The following MTX2 variants were observed in gnomAD, a reference collection of about 807,000 sequenced individuals.
MTX2 encodes metaxin 2, also known as metaxin-2.
Under a neutral mutation model 42.3 loss-of-function variants are expected in MTX2, and 35 were observed. The observed-to-expected ratio is 0.83, with a 90% confidence interval of 0.63 to 1.10. The LOEUF is 1.10. MTX2 is among the 50% of genes least tolerant of loss of function. The pLI is 0.00. For synonymous variants in MTX2, 119 were observed against 100.9 expected (o/e 1.18, Z -1.08); for missense variants, 307 against 304.1 (o/e 1.01, Z -0.07).
At chr2:176,269,773 G>A in intron 1 of MTX2, 104 bp downstream of exon 1, 1 of 1,356,036 alleles carries the variant, frequency 7.4e-7, no homozygotes. Context: ...ATTATACGCT[G>A]AACCCGGCCC....
intron 1 of MTX2, among the ~76,000 whole-genome samples, chr2:176,271,759 T>G (rs1189426881): frequency 6.6e-6 from 1 of 152,212 alleles, no homozygotes; most frequent in Non-Finnish European, 1.5e-5. Context: ...TATGGGGGTT[T>G]ATCTGATAGA....
intron 4 of MTX2, among the ~76,000 whole-genome samples, chr2:176,324,515 A>G (rs1256485484): frequency 6.6e-6 from 1 of 151,678 alleles, no homozygotes; most frequent in Non-Finnish European, 1.5e-5. Context: ...CGTAGATTTT[A>G]GGAACTACAG....
chr2:176,269,578 A>T lies in MTX2; in HGVS notation c.-52A>T. 1 of 1,540,998 alleles carries T rather than the reference A, an allele frequency of 6.5e-7. No homozygotes were observed. Among genetic ancestry groups the T allele is most frequent in the Non-Finnish European group, 8.7e-7 (1 of 1,147,306 alleles). On this transcript the variant is annotated 5_prime_UTR_variant, in exon 1 of 10. Transcript: ENST00000249442. Reference sequence around the variant, plus strand: ...AGAGCCTCCGGGTTTGCGGTGGAGGACGCTGAGGCCCGTGGGGGGCAGGCA... The same window carrying T: ...AGAGCCTCCGGGTTTGCGGTGGAGGTCGCTGAGGCCCGTGGGGGGCAGGCA...
intron 7 of MTX2, 53 bp downstream of exon 7, chr2:176,328,965 T>C (rs2105444745): frequency 6.8e-7 from 1 of 1,471,994 alleles, no homozygotes; most frequent in Non-Finnish European, 9.5e-7. Flanking sequence ...GAAAACACTT[T>C]TGCTCAGAAT....
chr2:176,312,825 T>G (rs1425618805), intron 3 of MTX2, among the ~76,000 whole-genome samples: 1 of 138,154 alleles, frequency 7.2e-6, no homozygotes, highest in Non-Finnish European at 1.5e-5. Context: ...ATTGCATCAT[T>G]GCACTCCAGC....
chr2:176,288,977 C>T (rs1693268956), intron 1 of MTX2, among the ~76,000 whole-genome samples: 1 of 151,916 alleles, frequency 6.6e-6, no homozygotes, highest in South Asian at 2.1e-4. Context: ...TAAATAGATA[C>T]ATAATCCTAA....
At chr2:176,296,768 T>C in intron 1 of MTX2, 92 bp from the exon 2 acceptor site, 1 of 1,303,282 alleles carries the variant, frequency 7.7e-7, no homozygotes, top group East Asian at 2.3e-5. Context: ...TGACTTTAAA[T>C]GCTGTAGGCA....
chr2:176,337,617 ATTGAACAGCACTATT>A lies in MTX2; in HGVS notation c.751_765del (p.Gln251_Glu255del), dbSNP rs760445674. 1.2e-6 allele frequency: 2 copies of A among 1,613,098 alleles called. No individual in the cohort carries two copies. The highest frequency in any genetic ancestry group is 1.7e-6 in the Non-Finnish European group (2 of 1,179,434). ...CAACCTCCTTGCTTTCTGTAGGAGA[ATTGAACAGCACTATT>A]TTGAAGATCGTGGTAAAGGCAGGCT... On this transcript the variant is annotated inframe_deletion, in exon 10 of 10. Transcript: ENST00000249442.
chr2:176,270,460 G>A (rs1692781786), intron 1 of MTX2: 2 of 1,283,056 alleles, frequency 1.6e-6, no homozygotes, highest in Non-Finnish European at 2.1e-6. Flanking sequence ...TTATTGTAAT[G>A]AAAGAAATTA....
At chr2:176,322,291 A>T (rs1479345871) in intron 3 of MTX2, among the ~76,000 whole-genome samples, 1 of 152,156 alleles carries the variant, frequency 6.6e-6, no homozygotes. Flanking sequence ...AGAGTTGAGG[A>T]AGGAATTATA....
At chr2:176,284,223 G>A (rs1223891308) in intron 1 of MTX2, among the ~76,000 whole-genome samples, 1 of 151,960 alleles carries the variant, frequency 6.6e-6, no homozygotes, top group Non-Finnish European at 1.5e-5. Flanking sequence ...GGGACTACAG[G>A]TGCACACCAC....
chr2:176,337,214 G>C (rs555522442), intron 9 of MTX2, among the ~76,000 whole-genome samples: 3 of 152,066 alleles, frequency 2.0e-5, no homozygotes, highest in African/African-American at 7.2e-5. Context: ...GCTAATTTTT[G>C]TATTTTTTGT....
chr2:176,327,771 G>T (rs1175975950), intron 5 of MTX2, among the ~76,000 whole-genome samples: 2 of 150,626 alleles, frequency 1.3e-5, no homozygotes, highest in East Asian at 3.9e-4. Flanking sequence ...CCTGAGAGTG[G>T]TATTAGGATG....
intron 3 of MTX2, among the ~76,000 whole-genome samples, chr2:176,315,707 T>A (rs186214985): frequency 6.6e-6 from 1 of 152,154 alleles, no homozygotes; most frequent in Non-Finnish European, 1.5e-5. Flanking sequence ...TGATCCCATC[T>A]CTTAGTACTC....
chr2:176,320,468 T>G (rs1684556254), intron 3 of MTX2, among the ~76,000 whole-genome samples: 1 of 152,148 alleles, frequency 6.6e-6, no homozygotes, highest in Non-Finnish European at 1.5e-5. Context: ...AAACTCTTTT[T>G]TGTTCTACTG....
rs368642605 is a variant in MTX2 at position 176,296,949 on chromosome 2, A to G, written c.88+42A>G. On this transcript the variant is annotated intron_variant, in intron 2 of 9. Transcript: ENST00000249442. ...ATTAAAAATGGCTTTGTATCAAACTATATTTATTACGGAAAAATCCTCAGT... is the reference window on the plus strand; with the variant it reads ...ATTAAAAATGGCTTTGTATCAAACTGTATTTATTACGGAAAAATCCTCAGT... 128 of 1,562,764 alleles carry G rather than the reference A, an allele frequency of 8.2e-5. 2 individuals carry two copies. Among genetic ancestry groups the G allele is most frequent in the South Asian group, 1.9e-4 (17 of 89,844 alleles).
Position 176,294,278 on chromosome 2 carries a change from C to CTTT in MTX2, c.41-2563_41-2561dup, listed in dbSNP as rs750682515. ...ATCCATGGGAGTGATGATGAATTAACTTTTTTTTTTTTTTTTTTTTTCCTA... is the reference window on the plus strand; with the variant it reads ...ATCCATGGGAGTGATGATGAATTAACTTTTTTTTTTTTTTTTTTTTTTTTCCTA... On this transcript the variant is annotated intron_variant, in intron 1 of 9. Coordinates refer to ENST00000249442, the MANE Select transcript of MTX2 (RefSeq NM_006554.5). 4.8e-5 allele frequency among the ~76,000 whole-genome samples: 6 copies of CTTT among 125,314 alleles called. No individual in the cohort carries two copies. The East Asian group carries it at 6.6e-4, about 14-fold the overall frequency. The allele number at this position is 125,314 out of a possible 152,430, so 82.2% of individuals were successfully genotyped here.
At chr2:176,305,463 T>C (rs542711630) in intron 3 of MTX2, among the ~76,000 whole-genome samples, 1 of 152,264 alleles carries the variant, frequency 6.6e-6, no homozygotes, top group South Asian at 2.1e-4. Context: ...TTCTGTACTT[T>C]CGACTATTTT....
At chr2:176,275,635 A>C (rs7589276) in intron 1 of MTX2, among the ~76,000 whole-genome samples, 40,517 of 152,032 alleles carry the variant, frequency 0.27, 5,730 homozygotes, top group African/African-American at 0.34. Flanking sequence ...TTTTTAATGG[A>C]GAGATTTTTC....
Sources: gnomAD v4.1 joint callset for allele counts (sites outside exome capture counted in the v4.1 genomes callset) on GRCh38, gnomAD v4.1.1 for gene constraint, MANE v1.5 for transcripts, NCBI Gene and HGNC (gene_info 2026-07-23, HGNC 2026-07-21) for gene names.